The following KDM2B variants were observed in gnomAD, a reference collection of about 807,000 sequenced individuals.
KDM2B encodes the protein lysine-specific demethylase 2B.
Under a neutral mutation model 150.0 loss-of-function variants are expected in KDM2B, and 26 were observed. The observed-to-expected ratio is 0.17, with a 90% CI of 0.13 to 0.24. The LOEUF (loss-of-function observed/expected upper bound fraction) is 0.24, where lower values mean the gene tolerates loss of function less well. Ranked by LOEUF, KDM2B falls within the 10% of genes least tolerant of loss-of-function variation. The pLI is 1.00. For synonymous variants in KDM2B, 734 were observed against 729.5 expected (o/e 1.01, Z -0.10); for missense variants, 1,265 against 1,816.9 (o/e 0.70, Z 5.52).
intron 11 of KDM2B, among the ~76,000 whole-genome samples, chr12:121,505,102 G>C (rs1555302711): frequency 4.2e-5 from 6 of 142,450 alleles, no homozygotes; most frequent in Admixed American, 1.4e-4. Flanking sequence ...GGGCAACAGA[G>C]CAAGACTCTG....
At chr12:121,461,340 G>C (rs1370432248) in intron 12 of KDM2B, among the ~76,000 whole-genome samples, 1 of 152,180 alleles carries the variant, frequency 6.6e-6, no homozygotes. Flanking sequence ...ATCTACCACA[G>C]TAGGGAACTG....
Position 121,429,881 on chromosome 12 carries a change from G to GA in KDM2B, c.*406dup. On this transcript the variant is annotated 3_prime_UTR_variant, in exon 23 of 23. Transcript: ENST00000377071. ...AAAAAAAAGTGTCAAGACGGCAGCA[G>GA]ATGTGGTGTGTGGTCCACTTTATGT... 1.7e-6 allele frequency: 1 copy of GA among 586,958 alleles called. No homozygotes were observed. Among genetic ancestry groups the GA allele is most frequent in the Admixed American group, 3.1e-5 (1 of 32,726 alleles). The allele number at this position is 586,958 out of a possible 1,614,324, so 36.4% of individuals were successfully genotyped here.
chr12:121,434,654 T>C (rs1873667374), intron 22 of KDM2B, among the ~76,000 whole-genome samples: 1 of 151,962 alleles, frequency 6.6e-6, no homozygotes. Context: ...AATTTCGACA[T>C]GCAAAAGAAT....
intron 11 of KDM2B, among the ~76,000 whole-genome samples, chr12:121,503,992 C>T (rs1884831154): frequency 6.6e-6 from 1 of 152,244 alleles, no homozygotes; most frequent in Admixed American, 6.5e-5. Flanking sequence ...CAAACTTGAA[C>T]TCCAGGGTCT....
At chr12:121,522,420 C>T (rs554066934) in intron 8 of KDM2B, among the ~76,000 whole-genome samples, 1 of 151,346 alleles carries the variant, frequency 6.6e-6, no homozygotes, top group South Asian at 2.1e-4. Flanking sequence ...GAGGCTGAGG[C>T]AGGGGAATCG....
rs60165748 is a variant in KDM2B, at chr12:121,459,084, C to CAAA, written c.1735-5743_1735-5741dup. On this transcript the variant is annotated intron_variant, in intron 12 of 22. Transcript: ENST00000377071. ...CTGGCAACAGAGCGAGACTCTGCCT[C>CAAA]AAAAAAAAAAAAAAAAAAGACACAC... 2.7e-3 allele frequency among the ~76,000 whole-genome samples: 274 copies of CAAA among 102,380 alleles called. 4 individuals carry two copies. Among genetic ancestry groups the CAAA allele is most frequent in the African/African-American group, 6.9e-3 (189 of 27,534 alleles). 67.2% of individuals were successfully genotyped at this position (102,380 alleles called of 152,430 possible).
the KDM2B span, among the ~76,000 whole-genome samples, chr12:121,411,863 A>G: frequency 1.3e-5 from 2 of 152,192 alleles, no homozygotes; most frequent in Non-Finnish European, 2.9e-5. Flanking sequence ...AGGAAGCTAA[A>G]CTTGTAAAAC....
At chr12:121,500,826 C>T (rs1884470277) in intron 11 of KDM2B, among the ~76,000 whole-genome samples, 1 of 152,222 alleles carries the variant, frequency 6.6e-6, no homozygotes, top group South Asian at 2.1e-4. Context: ...TCAGGCCAGG[C>T]ACAGTGGCTC....
intron 11 of KDM2B, among the ~76,000 whole-genome samples, chr12:121,500,620 G>T (rs1330555403): frequency 6.6e-6 from 1 of 152,228 alleles, no homozygotes; most frequent in Non-Finnish European, 1.5e-5. Flanking sequence ...TCCACAGGCC[G>T]GCAAAGGGAG....
chr12:121,440,786 C>G, intron 21 of KDM2B, 30 bp downstream of exon 21: 1 of 1,580,818 alleles, frequency 6.3e-7, no homozygotes, highest in South Asian at 1.2e-5. Context: ...TCACCCCACC[C>G]CCACAGAAAC....
chr12:121,519,048 TG>T (rs1213711824), intron 9 of KDM2B, among the ~76,000 whole-genome samples: 9 of 152,226 alleles, frequency 5.9e-5, no homozygotes, highest in South Asian at 2.1e-4. Context: ...CACAAAACGA[TG>T]GTCTCCCATG....
At chr12:121,561,463 A>T (rs116568301) in intron 4 of KDM2B, among the ~76,000 whole-genome samples, 1,979 of 152,234 alleles carry the variant, frequency 0.013, 43 homozygotes, top group African/African-American at 0.046. Context: ...GTGAGGCCTG[A>T]GTTCGAGTGA....
rs1888267546 is a variant in KDM2B, at chr12:121,537,819, CG to C, written c.684-3230del. 6.6e-6 allele frequency among the ~76,000 whole-genome samples: 1 copy of C among 151,760 alleles called. No homozygotes were observed. On this transcript the variant is annotated intron_variant, in intron 6 of 22. Coordinates refer to ENST00000377071, the MANE Select transcript of KDM2B (RefSeq NM_032590.5). This position sits in a 1 kb window ranked among gnomAD's most constrained non-coding sequence, Gnocchi z 8.7. The stretch of plus-strand genomic sequence containing the variant: ...GACACAAAGAGCGGCTCCGCGACGC[CG>C]GCCCTGTAGCCCGCGGGCGGGAGGC...
In KDM2B at chr12:121,467,077, C is replaced by T; in HGVS notation, c.1735-13733G>A. ...CCTCATCGCGGCGGCGGCGGCGTCG[C>T]GGCCGCCCTCGGCGCGTCAGACAGG... On this transcript the variant is annotated intron_variant, in intron 12 of 22. Transcript: ENST00000377071. This position sits in a 1 kb window ranked among gnomAD's most constrained non-coding sequence, Gnocchi z 5.1. 2 of 829,462 alleles carry T rather than the reference C, an allele frequency of 2.4e-6. No homozygotes were observed. Among genetic ancestry groups the T allele is most frequent in the Non-Finnish European group, 3.0e-6 (2 of 661,762 alleles). 51.4% of individuals were successfully genotyped at this position (829,462 alleles called of 1,614,324 possible).
chr12:121,428,227 G>A (rs182816829), downstream of KDM2B, among the ~76,000 whole-genome samples: 36 of 151,878 alleles, frequency 2.4e-4, no homozygotes, highest in Middle Eastern at 3.4e-3. Context: ...ATGCGGTCTC[G>A]CGGTCGCCAG....
chr12:121,442,887 C>T lies in KDM2B; in HGVS notation c.2605-51G>A, dbSNP rs1555288956. 1.9e-5 allele frequency: 30 copies of T among 1,542,332 alleles called. No individual in the cohort carries two copies. The highest frequency in any genetic ancestry group is 2.4e-5 in the Non-Finnish European group (28 of 1,148,274). On this transcript the variant is annotated intron_variant, in intron 18 of 22. Coordinates refer to ENST00000377071, the MANE Select transcript of KDM2B (RefSeq NM_032590.5). This position sits in a 1 kb window ranked among gnomAD's most constrained non-coding sequence, Gnocchi z 7.7. ...AGCCTCTGGGGCTCAGGGCTGCGCC[C>T]GCCCAAGGCCTCCCGCCCCCCTGCC...
intron 1 of KDM2B, among the ~76,000 whole-genome samples, chr12:121,579,439 C>A (rs1180086534): frequency 6.6e-6 from 1 of 152,160 alleles, no homozygotes; most frequent in Non-Finnish European, 1.5e-5. Context: ...TGGAGCCGCC[C>A]CCGAGCTACC....
chr12:121,480,043 C>T (rs1308829763), intron 12 of KDM2B, among the ~76,000 whole-genome samples: 1 of 152,156 alleles, frequency 6.6e-6, no homozygotes, highest in African/African-American at 2.4e-5. Context: ...CTCAGCCTCC[C>T]AAGTAGCTAG....
intron 11 of KDM2B, among the ~76,000 whole-genome samples, chr12:121,497,161 C>T (rs1307608727): frequency 6.6e-6 from 1 of 152,160 alleles, no homozygotes; most frequent in Non-Finnish European, 1.5e-5. Context: ...AGCCCCGGCA[C>T]ATACAGCTTC....
Sources: gnomAD v4.1 joint callset for allele counts (sites outside exome capture counted in the v4.1 genomes callset) on GRCh38, gnomAD v4.1.1 for gene constraint, Gnocchi (gnomAD v3.1) non-coding constraint, MANE v1.5 for transcripts, NCBI Gene and HGNC (gene_info 2026-07-23, HGNC 2026-07-21) for gene names.